The following COL22A1 variants were observed in gnomAD, a reference collection of about 807,000 sequenced individuals.
The protein encoded by COL22A1 is collagen alpha-1(XXII) chain.
A neutral mutation model predicts 248.9 loss-of-function variants in COL22A1; 221 were observed. That is an observed-to-expected ratio of 0.89 (90% confidence interval 0.80 to 0.99). The LOEUF (loss-of-function observed/expected upper bound fraction) is 0.99, where lower values mean the gene tolerates loss of function less well. Ranked by LOEUF, COL22A1 falls within the 50% of genes least tolerant of loss-of-function variation. COL22A1 has a pLI of 0.00. For synonymous variants in COL22A1, 891 were observed against 793.4 expected (o/e 1.12, Z -2.07); for missense variants, 2,240 against 2,179.0 (o/e 1.03, Z -0.56).
chr8:138,807,195 C>G (rs1817804714), intron 10 of COL22A1, among the ~76,000 whole-genome samples: 1 of 152,112 alleles, frequency 6.6e-6, no homozygotes, highest in South Asian at 2.1e-4. Flanking sequence ...AGAGGCCCAG[C>G]TGTCTCCAGT....
chr8:138,776,632 C>G (rs549730575), intron 15 of COL22A1, among the ~76,000 whole-genome samples: 1 of 152,066 alleles, frequency 6.6e-6, no homozygotes, highest in African/African-American at 2.4e-5. Context: ...TGCTTCCCCC[C>G]ACCCCATCAT....
At chr8:138,887,954 G>A (rs1824789409) in intron 1 of COL22A1, among the ~76,000 whole-genome samples, 1 of 152,116 alleles carries the variant, frequency 6.6e-6, no homozygotes, top group African/African-American at 2.4e-5. Context: ...ATTGTTGCTT[G>A]TTTCCCATGC....
At chr8:138,794,386 CAA>C (rs753489322) in intron 12 of COL22A1, among the ~76,000 whole-genome samples, 39 of 128,414 alleles carry the variant, frequency 3.0e-4, no homozygotes, top group Middle Eastern at 4.2e-3. Context: ...ACTCCATCTC[CAA>C]AAAAAAAAAA....
At chr8:138,702,711 A>C (rs544721809) in intron 31 of COL22A1, among the ~76,000 whole-genome samples, 13 of 152,326 alleles carry the variant, frequency 8.5e-5, no homozygotes, top group African/African-American at 3.1e-4. Flanking sequence ...TTTAATATTT[A>C]TAATGCACCA....
intron 50 of COL22A1, among the ~76,000 whole-genome samples, chr8:138,628,285 T>C (rs1030967352): frequency 4.6e-5 from 7 of 152,194 alleles, no homozygotes; most frequent in African/African-American, 1.7e-4. Context: ...CCCATTTAAC[T>C]TTTAAAAATT....
At chr8:138,690,305 G>A (rs1371077254) in intron 36 of COL22A1, among the ~76,000 whole-genome samples, 1 of 152,102 alleles carries the variant, frequency 6.6e-6, no homozygotes. Context: ...GTCCTTTAGC[G>A]GACACCTTGG....
intron 47 of COL22A1, among the ~76,000 whole-genome samples, chr8:138,642,368 C>T (rs561054766): frequency 6.6e-6 from 1 of 152,306 alleles, no homozygotes; most frequent in South Asian, 2.1e-4. Context: ...AAATAGTAAC[C>T]TGCTCCTTGG....
intron 4 of COL22A1, among the ~76,000 whole-genome samples, chr8:138,841,085 C>T (rs2131855063): frequency 6.6e-6 from 1 of 152,214 alleles, no homozygotes; most frequent in East Asian, 1.9e-4. Flanking sequence ...TTCCTTCTTC[C>T]ATCCATCATT....
At chr8:138,665,668 T>G (rs981416996) in intron 41 of COL22A1, among the ~76,000 whole-genome samples, 1 of 152,116 alleles carries the variant, frequency 6.6e-6, no homozygotes. Context: ...GACACAAAAC[T>G]GCAATCTCAA....
chr8:138,794,269 C>T (rs1363941502), intron 12 of COL22A1, among the ~76,000 whole-genome samples: 1 of 152,058 alleles, frequency 6.6e-6, no homozygotes, highest in African/African-American at 2.4e-5. Context: ...CGCCTGTAGT[C>T]CCAGCTACTC....
intron 30 of COL22A1, among the ~76,000 whole-genome samples, chr8:138,705,077 G>A (rs190227181): frequency 3.2e-4 from 49 of 152,094 alleles, no homozygotes; most frequent in African/African-American, 1.2e-3. Flanking sequence ...GAGAAGTTTA[G>A]AGAAAAAAAG....
At chr8:138,828,542 C>T (rs1819776944) in intron 5 of COL22A1, among the ~76,000 whole-genome samples, 1 of 152,124 alleles carries the variant, frequency 6.6e-6, no homozygotes, top group Admixed American at 6.6e-5. Flanking sequence ...TCTCATTTGA[C>T]ATAAGAGTCT....
chr8:138,767,506 C>G (rs1010537871), intron 16 of COL22A1, among the ~76,000 whole-genome samples: 7 of 152,118 alleles, frequency 4.6e-5, no homozygotes, highest in African/African-American at 1.7e-4. Flanking sequence ...AAAAAGCCAG[C>G]TGTATTAGGA....
At chr8:138,608,455 T>C (rs1233445724) in intron 56 of COL22A1, among the ~76,000 whole-genome samples, 1 of 152,124 alleles carries the variant, frequency 6.6e-6, no homozygotes, top group African/African-American at 2.4e-5. Context: ...AGGAGATCAT[T>C]ATACTCTCAT....
chr8:138,690,862 G>A lies in COL22A1; in HGVS notation c.2767C>T (p.His923Tyr), dbSNP rs1192335640. ...GAAGNPGAPG[H>Y]VGAPGPSGPP... is the part of the protein sequence containing the mutation. ...CCACTGGGACCGGGGGCACCGACATGTCCGGGAGCACCCTGTTCAGAGACA... is the reference window on the plus strand; with the variant it reads ...CCACTGGGACCGGGGGCACCGACATATCCGGGAGCACCCTGTTCAGAGACA... The change falls in exon 36 of 65, where the codon CAT becomes TAT. Residue 923 changes from histidine (H) to tyrosine (Y), a missense_variant. Coordinates refer to ENST00000303045, the MANE Select transcript of COL22A1 (RefSeq NM_152888.3). 6.2e-7 allele frequency: 1 copy of A among 1,610,708 alleles called. No individual in the cohort carries two copies.
At chr8:138,754,445 C>T (rs903387663) in intron 21 of COL22A1, among the ~76,000 whole-genome samples, 4 of 152,130 alleles carry the variant, frequency 2.6e-5, no homozygotes, top group South Asian at 2.1e-4. Context: ...AAAGAGTGGG[C>T]CTCAATAGCT....
intron 1 of COL22A1, among the ~76,000 whole-genome samples, chr8:138,901,529 G>A (rs1704209942): frequency 2.6e-5 from 4 of 151,822 alleles, no homozygotes. Context: ...ACCATGCCCA[G>A]CTAATTTTTG....
At chr8:138,852,284 G>A (rs565145729) in intron 3 of COL22A1, among the ~76,000 whole-genome samples, 13 of 152,178 alleles carry the variant, frequency 8.5e-5, no homozygotes, top group East Asian at 5.8e-4. Flanking sequence ...CACAGTGGTC[G>A]GGGGGAAGGG....
At chr8:138,883,408 C>A (rs1156523939) in intron 1 of COL22A1, among the ~76,000 whole-genome samples, 164 bp from the exon 2 acceptor site, 1 of 152,226 alleles carries the variant, frequency 6.6e-6, no homozygotes, top group Non-Finnish European at 1.5e-5. Flanking sequence ...CAGAGCAGAG[C>A]CAAGTGTGAC....
Sources: gnomAD v4.1 joint callset for allele counts (sites outside exome capture counted in the v4.1 genomes callset) on GRCh38, gnomAD v4.1.1 for gene constraint, MANE v1.5 for transcripts, NCBI Gene and HGNC (gene_info 2026-07-23, HGNC 2026-07-21) for gene names.